Variants in DCC observed in about 807,000 individuals in gnomAD.
DCC encodes the protein DCC netrin 1 receptor, also known as netrin receptor DCC.
A neutral mutation model predicts 172.5 loss-of-function variants in DCC; 58 were observed. That is an observed-to-expected ratio of 0.34 (90% CI 0.27 to 0.42). The LOEUF (loss-of-function observed/expected upper bound fraction) is 0.42. DCC is among the 10% of genes least tolerant of loss of function. The pLI is 1.00. For synonymous variants in DCC, 709 were observed against 644.5 expected (o/e 1.10, Z -1.52); for missense variants, 1,740 against 1,791.0 (o/e 0.97, Z 0.51).
chr18:52,625,402 T>A (rs991264618), intron 1 of DCC, among the ~76,000 whole-genome samples: 1 of 152,204 alleles, frequency 6.6e-6, no homozygotes, highest in African/African-American at 2.4e-5. Context: ...AATTATCCTG[T>A]CCTTGTATTC....
At chr18:52,555,126 T>C in intron 1 of DCC, among the ~76,000 whole-genome samples, 1 of 152,048 alleles carries the variant, frequency 6.6e-6, no homozygotes, top group East Asian at 1.9e-4. Flanking sequence ...GCTAGCTGGC[T>C]TTTAAAGTGT....
chr18:52,792,956 AAGTC>A (rs1412558617), intron 2 of DCC, among the ~76,000 whole-genome samples: 2 of 152,100 alleles, frequency 1.3e-5, no homozygotes, highest in East Asian at 3.9e-4. Context: ...TTTTAGAAAG[AAGTC>A]AGGACACAGA....
intron 1 of DCC, among the ~76,000 whole-genome samples, chr18:52,419,808 G>A (rs1385313204): frequency 6.6e-6 from 1 of 151,860 alleles, no homozygotes; most frequent in Non-Finnish European, 1.5e-5. Flanking sequence ...TCCTCTGAAT[G>A]TTTGCTATAA....
chr18:53,451,727 C>CTCTCTCTCTCTCCA (rs1568140775), intron 23 of DCC, among the ~76,000 whole-genome samples: 1 of 151,962 alleles, frequency 6.6e-6, no homozygotes, highest in Non-Finnish European at 1.5e-5. Flanking sequence ...CTCTCTCTCT[C>CTCTCTCTCTCTCCA]TCTCTCCATC....
intron 5 of DCC, among the ~76,000 whole-genome samples, chr18:52,993,309 C>T (rs1198611440): frequency 6.6e-6 from 1 of 152,056 alleles, no homozygotes; most frequent in Non-Finnish European, 1.5e-5. Flanking sequence ...TAGGATGTAA[C>T]TCCAACTTAC....
intron 2 of DCC, among the ~76,000 whole-genome samples, chr18:52,794,115 T>C (rs966834176): frequency 1.6e-4 from 24 of 152,342 alleles, no homozygotes; most frequent in Middle Eastern, 6.8e-3. Context: ...TGCTCAGTAT[T>C]GCTTTGGCTA....
intron 13 of DCC, among the ~76,000 whole-genome samples, chr18:53,312,594 A>C (rs1255658620): frequency 6.6e-6 from 1 of 150,996 alleles, no homozygotes; most frequent in Non-Finnish European, 1.5e-5. Context: ...ATTTTGGGAG[A>C]CCGAGGAGGG....
intron 7 of DCC, among the ~76,000 whole-genome samples, chr18:53,072,188 C>T (rs564631096): frequency 6.6e-6 from 1 of 152,106 alleles, no homozygotes; most frequent in East Asian, 1.9e-4. Flanking sequence ...TTTCAGTAGC[C>T]AGAGTTGCAA....
At chr18:53,042,788 T>C (rs758837190) in intron 5 of DCC, among the ~76,000 whole-genome samples, 16 of 151,886 alleles carry the variant, frequency 1.1e-4, no homozygotes, top group Non-Finnish European at 1.8e-4. Context: ...AGAATGGTGA[T>C]CATTAAAAAG....
chr18:53,384,113 G>C (rs576290113), intron 15 of DCC, among the ~76,000 whole-genome samples: 1 of 119,562 alleles, frequency 8.4e-6, no homozygotes, highest in East Asian at 2.1e-4. Context: ...TATCTCTTCT[G>C]GTCATCGTAT....
chr18:53,209,009 G>A lies in DCC; in HGVS notation c.1861+1192G>A, dbSNP rs541672129. On this transcript the variant is annotated intron_variant, in intron 11 of 28. Transcript: ENST00000442544. Reference sequence around the variant, plus strand: ...GCCTCACATAGTGCTGGGATTACAAGCGTGAGCCACTGCACCCAGCCTCAA... The same window carrying A: ...GCCTCACATAGTGCTGGGATTACAAACGTGAGCCACTGCACCCAGCCTCAA... Among the ~76,000 whole-genome samples the A allele has an allele frequency of 1.1e-4, 16 of 152,320 alleles. No homozygotes were observed. In the East Asian group the frequency reaches 3.1e-3, roughly 29 times the overall value.
At chr18:52,798,174 C>CT (rs147073672) in intron 2 of DCC, among the ~76,000 whole-genome samples, 7,413 of 152,176 alleles carry the variant, frequency 0.049, 245 homozygotes, top group South Asian at 0.16. Context: ...ACCCAGGCCT[C>CT]GAACAATGTG....
chr18:52,845,249 C>T (rs370317523), intron 2 of DCC, among the ~76,000 whole-genome samples: 2 of 152,194 alleles, frequency 1.3e-5, no homozygotes, highest in African/African-American at 4.8e-5. Flanking sequence ...GACTGAGCTG[C>T]CCAATCAGCT....
intron 2 of DCC, among the ~76,000 whole-genome samples, chr18:52,851,040 C>T (rs2038968108): frequency 6.6e-6 from 1 of 151,980 alleles, no homozygotes; most frequent in South Asian, 2.1e-4. Flanking sequence ...TTCAAAATTG[C>T]TAAAAAGTCA....
chr18:52,947,048 C>T (rs1473339829), intron 5 of DCC, among the ~76,000 whole-genome samples: 1 of 152,060 alleles, frequency 6.6e-6, no homozygotes, highest in African/African-American at 2.4e-5. Context: ...AATATCGATC[C>T]CATCTAAAAC....
chr18:52,394,014 C>A (rs929103585), intron 1 of DCC, among the ~76,000 whole-genome samples: 1 of 152,018 alleles, frequency 6.6e-6, no homozygotes, highest in African/African-American at 2.4e-5. Flanking sequence ...AGTACCCTAC[C>A]TACTGGTAAA....
intron 1 of DCC, among the ~76,000 whole-genome samples, chr18:52,463,196 T>G (rs1462091181): frequency 6.6e-6 from 1 of 152,190 alleles, no homozygotes; most frequent in African/African-American, 2.4e-5. Context: ...AGGTTTGGTT[T>G]CTTGCTCGTG....
intron 2 of DCC, among the ~76,000 whole-genome samples, chr18:52,855,690 G>A (rs1470226234): frequency 1.3e-5 from 2 of 152,088 alleles, no homozygotes; most frequent in African/African-American, 4.8e-5. Context: ...TATTGTTAGA[G>A]GGGCATCTAC....
chr18:52,624,690 C>G (rs1340010738), intron 1 of DCC, among the ~76,000 whole-genome samples: 1 of 152,112 alleles, frequency 6.6e-6, no homozygotes, highest in African/African-American at 2.4e-5. Flanking sequence ...AGGACAGGAC[C>G]TTGGAAAACT....
Sources: allele counts gnomAD v4.1 joint callset (sites outside exome capture counted in the v4.1 genomes callset), GRCh38; gene constraint gnomAD v4.1.1; transcripts MANE v1.5; gene names NCBI Gene and HGNC (gene_info 2026-07-23, HGNC 2026-07-21).